DLG2: variants seen among roughly 807,000 people sequenced by gnomAD.
The protein encoded by DLG2 is discs large MAGUK scaffold protein 2.
DLG2 carries 45 observed loss-of-function variants against 132.5 expected under a neutral mutation model. The observed-to-expected ratio is 0.34, with a 90% CI of 0.27 to 0.44. DLG2 has a LOEUF of 0.44. Among genes scored for constraint, DLG2 ranks in the 20% least tolerant of loss-of-function variants. DLG2 has a pLI of 1.00. For synonymous variants in DLG2, 424 were observed against 419.6 expected (o/e 1.01, Z -0.13); for missense variants, 1,045 against 1,196.9 (o/e 0.87, Z 1.87).
chr11:83,910,568 G>A (rs11233803), intron 15 of DLG2, among the ~76,000 whole-genome samples: 27,758 of 151,998 alleles, frequency 0.18, 3,049 homozygotes, highest in Non-Finnish European at 0.26. Context: ...AATATTAAAT[G>A]TTCCCAACAC....
intron 7 of DLG2, among the ~76,000 whole-genome samples, chr11:84,514,661 T>C (rs890935891): frequency 2.6e-5 from 4 of 151,880 alleles, no homozygotes; most frequent in South Asian, 2.1e-4. Context: ...AGAAAGGTAG[T>C]TGGGGCAGGG....
At chr11:85,380,032 C>T (rs755284083) in intron 3 of DLG2, among the ~76,000 whole-genome samples, 7 of 152,088 alleles carry the variant, frequency 4.6e-5, no homozygotes, top group African/African-American at 1.2e-4. Flanking sequence ...AAAAGTACTA[C>T]GTTTGATTTT....
intron 7 of DLG2, among the ~76,000 whole-genome samples, chr11:84,307,027 T>C (rs896982826): frequency 7.9e-5 from 12 of 152,210 alleles, no homozygotes; most frequent in Admixed American, 5.9e-4. Context: ...TAAATTATTC[T>C]ACTATAAACA....
intron 22 of DLG2, among the ~76,000 whole-genome samples, chr11:83,478,384 G>A (rs1049225195): frequency 6.6e-6 from 1 of 152,062 alleles, no homozygotes; most frequent in African/African-American, 2.4e-5. Context: ...TAATGTCATA[G>A]AATCCAGTTC....
chr11:84,920,713 ATGTGTG>A (rs34997443), intron 6 of DLG2, among the ~76,000 whole-genome samples: 1 of 151,050 alleles, frequency 6.6e-6, no homozygotes, highest in Non-Finnish European at 1.5e-5. Flanking sequence ...GTTTGTAAAT[ATGTGTG>A]TGTGTGTGTC....
chr11:84,304,568 G>A (rs2098194097), intron 7 of DLG2, among the ~76,000 whole-genome samples: 1 of 152,140 alleles, frequency 6.6e-6, no homozygotes. Flanking sequence ...TGACTTTCTA[G>A]CCTTACAGTT....
At chr11:85,602,994 A>C (rs889306860) in intron 2 of DLG2, among the ~76,000 whole-genome samples, 6 of 152,174 alleles carry the variant, frequency 3.9e-5, no homozygotes, top group African/African-American at 1.4e-4. Flanking sequence ...TGAGAATTTC[A>C]ATTGGGCAAT....
chr11:84,173,670 CCTCT>C (rs1405878372), intron 8 of DLG2, among the ~76,000 whole-genome samples: 1 of 152,010 alleles, frequency 6.6e-6, no homozygotes, highest in African/African-American at 2.4e-5. Context: ...TACTTCATCC[CCTCT>C]CTCTCCTCAA....
At chr11:84,005,212 T>A (rs1187685521) in intron 11 of DLG2, among the ~76,000 whole-genome samples, 1 of 151,988 alleles carries the variant, frequency 6.6e-6, no homozygotes, top group Non-Finnish European at 1.5e-5. Context: ...TATAGCCAAC[T>A]GACATTTGAC....
intron 3 of DLG2, among the ~76,000 whole-genome samples, chr11:85,484,996 C>T (rs1306725008): frequency 3.3e-5 from 5 of 152,310 alleles, no homozygotes; most frequent in East Asian, 3.9e-4. Flanking sequence ...ATGTGGCACA[C>T]ATACACCATG....
chr11:84,420,645 G>GTTTTTTTTTTTTTTTTTTT (rs1567588759), intron 7 of DLG2, among the ~76,000 whole-genome samples: 2 of 48,916 alleles, frequency 4.1e-5, no homozygotes, highest in Non-Finnish European at 9.8e-5. Context: ...ACCAATGCTT[G>GTTTTTTTTTTTTTTTTTTT]TTTTCTTTTT....
intron 25 of DLG2, among the ~76,000 whole-genome samples, chr11:83,468,132 C>T (rs1351504398): frequency 7.2e-5 from 11 of 152,034 alleles, no homozygotes; most frequent in African/African-American, 2.7e-4. Context: ...AAAAAAGGCA[C>T]TTTATGCAGA....
intron 15 of DLG2, among the ~76,000 whole-genome samples, chr11:83,890,006 T>C (rs956458809): frequency 6.6e-6 from 1 of 151,696 alleles, no homozygotes; most frequent in African/African-American, 2.4e-5. Context: ...ATATACCTAA[T>C]GCTAACTGAC....
At chr11:84,902,057 C>G (rs1303741069) in intron 6 of DLG2, among the ~76,000 whole-genome samples, 1 of 152,020 alleles carries the variant, frequency 6.6e-6, no homozygotes, top group Non-Finnish European at 1.5e-5. Context: ...TCAAAAAAAA[C>G]TATGTACAAA....
intron 3 of DLG2, among the ~76,000 whole-genome samples, chr11:85,293,295 G>A (rs1288721038): frequency 2.0e-5 from 3 of 152,140 alleles, no homozygotes; most frequent in Non-Finnish European, 4.4e-5. Flanking sequence ...AGGCATGGTG[G>A]CTTACGCCTG....
intron 9 of DLG2, among the ~76,000 whole-genome samples, chr11:84,104,408 T>C (rs2092759904): frequency 6.6e-6 from 1 of 151,960 alleles, no homozygotes; most frequent in Non-Finnish European, 1.5e-5. Flanking sequence ...CAATAGATAC[T>C]GGGAAATATA....
intron 6 of DLG2, among the ~76,000 whole-genome samples, chr11:85,110,660 G>GA: frequency 6.6e-6 from 1 of 152,004 alleles, no homozygotes; most frequent in Non-Finnish European, 1.5e-5. Flanking sequence ...AAAAACTGAG[G>GA]AAAAAAGCTT....
intron 18 of DLG2, among the ~76,000 whole-genome samples, chr11:83,706,762 G>T (rs1345977136): frequency 1.3e-5 from 2 of 152,210 alleles, no homozygotes; most frequent in African/African-American, 4.8e-5. Flanking sequence ...TGCCAGAGTG[G>T]CGAGTGGGCT....
chr11:84,183,949 C>T (rs1391031842), intron 8 of DLG2, among the ~76,000 whole-genome samples: 3 of 152,034 alleles, frequency 2.0e-5, no homozygotes, highest in African/African-American at 7.2e-5. Flanking sequence ...TGTATATGTG[C>T]CACATTTTCT....
Sources: gnomAD v4.1 joint callset for allele counts (sites outside exome capture counted in the v4.1 genomes callset) on GRCh38, gnomAD v4.1.1 for gene constraint, MANE v1.5 for transcripts, NCBI Gene and HGNC (gene_info 2026-07-23, HGNC 2026-07-21) for gene names.